Variants in ITIH2 observed in about 807,000 individuals in gnomAD.
The protein encoded by ITIH2 is inter-alpha-trypsin inhibitor heavy chain 2.
ITIH2 carries 103 observed loss-of-function variants against 104.4 expected under a neutral mutation model. The ratio of observed to expected loss-of-function variants is 0.99; its 90% CI spans 0.84 to 1.16. The LOEUF (loss-of-function observed/expected upper bound fraction) is 1.16, where lower values mean the gene tolerates loss of function less well. Among genes scored for constraint, ITIH2 ranks in the 50% most tolerant of loss-of-function variants. ITIH2 has a pLI of 0.00. For synonymous variants in ITIH2, 436 were observed against 435.4 expected (o/e 1.00, Z -0.02); for missense variants, 1,108 against 1,162.4 (o/e 0.95, Z 0.68).
At chr10:7,732,711 A>T (rs774634883) in intron 14 of ITIH2, among the ~76,000 whole-genome samples, 7 of 151,874 alleles carry the variant, frequency 4.6e-5, no homozygotes, top group Non-Finnish European at 1.0e-4. Context: ...TTAATTTTTT[A>T]ATTTTTATTT....
At chr10:7,718,309 G>C (rs78124507) in intron 6 of ITIH2, among the ~76,000 whole-genome samples, 1 of 152,110 alleles carries the variant, frequency 6.6e-6, no homozygotes, top group African/African-American at 2.4e-5. Context: ...GGTCCACCAG[G>C]TAGTACAGGA....
Position 7,749,207 on chromosome 10 carries a change from G to T in ITIH2, c.2714G>T (p.Arg905Ile). ...IITRGLQKDYRTDLVFGTDVT... is the reference protein window; with the variant it reads ...IITRGLQKDYITDLVFGTDVT... ...TGCAGGGGCTTACAGAAAGACTACA[G>T]AACGGATCTAGTGTTTGGAACGGAC... The change falls in exon 21 of 21, where the codon AGA (arginine) becomes ATA (isoleucine). Residue 905 changes from arginine (R) to isoleucine (I), a missense_variant. Transcript: ENST00000358415. 6.2e-7 allele frequency: 1 copy of T among 1,614,124 alleles called. No homozygotes were observed. The highest frequency in any genetic ancestry group is 1.3e-5 in the African/African-American group (1 of 75,044).
At chr10:7,736,946 A>G (rs954353494) in intron 15 of ITIH2, among the ~76,000 whole-genome samples, 4 of 152,148 alleles carry the variant, frequency 2.6e-5, no homozygotes, top group African/African-American at 7.2e-5. Context: ...ATACAGACCT[A>G]GCGTCCAAAA....
chr10:7,705,410 C>T (rs1834737276), intron 2 of ITIH2, among the ~76,000 whole-genome samples: 2 of 152,132 alleles, frequency 1.3e-5, no homozygotes, highest in African/African-American at 2.4e-5. Context: ...AATTTAGTCC[C>T]TTAAAGAGTA....
At chr10:7,746,247 C>T (rs1835176807) in intron 19 of ITIH2, among the ~76,000 whole-genome samples, 2 of 151,084 alleles carry the variant, frequency 1.3e-5, no homozygotes, top group South Asian at 2.1e-4. Flanking sequence ...TAGTGGCTCA[C>T]GCCTGTGGTC....
chr10:7,736,689 G>A (rs1353246259), intron 15 of ITIH2, among the ~76,000 whole-genome samples: 1 of 152,060 alleles, frequency 6.6e-6, no homozygotes, highest in Non-Finnish European at 1.5e-5. Context: ...AACTGGAGTG[G>A]AAATAATCTA....
chr10:7,736,365 G>A (rs981164597), intron 15 of ITIH2, among the ~76,000 whole-genome samples: 5 of 151,608 alleles, frequency 3.3e-5, no homozygotes, highest in African/African-American at 9.7e-5. Context: ...ACCTTGTCTC[G>A]AAAAAAAATT....
In ITIH2 at chr10:7,746,646, G is replaced by A. The variant is rs891830291; in HGVS notation, c.2635G>A (p.Asp879Asn). 1.2e-6 allele frequency: 2 copies of A among 1,614,026 alleles called. No homozygotes were observed. Among genetic ancestry groups the A allele is most frequent in the African/African-American group, 1.3e-5 (1 of 75,040 alleles). ...CATCTTCAATGAGAGACCAGGAAAGGACCCTGAGAAGCCAGAGGCCAGCAT... is the reference window on the plus strand; with the variant it reads ...CATCTTCAATGAGAGACCAGGAAAGAACCCTGAGAAGCCAGAGGCCAGCAT... ...IHIFNERPGK[D>N]PEKPEASMEV... is the part of the protein sequence containing the mutation. The change falls in exon 20 of 21, where the codon GAC becomes AAC. Residue 879 changes from aspartate to asparagine, a missense_variant. By Grantham distance (23) the Asp-to-Asn change is conservative. Coordinates refer to ENST00000358415, the MANE Select transcript of ITIH2 (RefSeq NM_002216.3).
chr10:7,741,184 T>G lies in ITIH2; in HGVS notation c.2096-1962T>G, dbSNP rs1433487489. ...AATGATTGTTTAAGGTTTTTTTTTTTTTTTTTTTTTTGAGACAGAGTTTCA... is the reference window on the plus strand; with the variant it reads ...AATGATTGTTTAAGGTTTTTTTTTTGTTTTTTTTTTTGAGACAGAGTTTCA... On this transcript the variant is annotated intron_variant, in intron 16 of 20. Transcript: ENST00000358415. Among the ~76,000 whole-genome samples, 166 of 146,356 alleles carry G rather than the reference T, an allele frequency of 1.1e-3. 1 individual carries two copies. In the Middle Eastern group the frequency reaches 0.014, roughly 12 times the overall value.
At chr10:7,713,459 C>A (rs774533638) in intron 5 of ITIH2, 174 bp downstream of exon 5, 7 of 579,640 alleles carry the variant, frequency 1.2e-5, no homozygotes, top group African/African-American at 1.9e-5. Flanking sequence ...GCCTAAAGGT[C>A]CCTCTTCAAC....
intron 13 of ITIH2, 121 bp from the exon 14 acceptor site, chr10:7,732,217 G>T: frequency 8.4e-7 from 1 of 1,197,222 alleles, no homozygotes; most frequent in South Asian, 1.4e-5. Flanking sequence ...TCCTTCCTCC[G>T]TAGGCTTTGC....
At chr10:7,745,196 G>A (rs1835165184) in intron 19 of ITIH2, among the ~76,000 whole-genome samples, 1 of 152,134 alleles carries the variant, frequency 6.6e-6, no homozygotes, top group African/African-American at 2.4e-5. Context: ...GTTAAGAGAA[G>A]GGACAGATAC....
intron 20 of ITIH2, 74 bp downstream of exon 20, chr10:7,746,778 G>T (rs1017488130): frequency 2.2e-6 from 2 of 893,406 alleles, no homozygotes; most frequent in Non-Finnish European, 3.7e-6. Flanking sequence ...AAATAGAGGA[G>T]CAAAGAAGAA....
Position 7,743,274 on chromosome 10 carries a change from AATT to A in ITIH2, c.2209+18_2209+20del, listed in dbSNP as rs1339245143. 1 of 1,345,202 alleles carries A rather than the reference AATT, an allele frequency of 7.4e-7. No homozygotes were observed. The allele number at this position is 1,345,202 out of a possible 1,614,324, so 83.3% of individuals were successfully genotyped here. A position where few individuals can be genotyped will look rare whatever the true frequency, so the allele number is the denominator to read the frequency against. On this transcript the variant is annotated intron_variant, in intron 17 of 20. Coordinates refer to ENST00000358415, the MANE Select transcript of ITIH2 (RefSeq NM_002216.3). ...CCCAGAATCAGGTAAAATAAAAATA[AATT>A]ATATTTGCACCAATTAGGTCATTGT...
rs749404489 is a variant in ITIH2, at chr10:7,744,119, G to A, written c.2247G>A (p.Lys749=). 3.7e-6 allele frequency: 6 copies of A among 1,614,046 alleles called. No homozygotes were observed. The highest frequency in any genetic ancestry group is 5.1e-6 in the Non-Finnish European group (6 of 1,179,984). The change falls in exon 18 of 21, where the codon AAG becomes AAA. Residue 749 remains lysine (K), a synonymous_variant. Coordinates refer to ENST00000358415, the MANE Select transcript of ITIH2 (RefSeq NM_002216.3). ...VVNGQLVGAK[K]PNNGKLSTYF... is the part of the protein sequence containing the mutation. ...ACGGTCAGCTTGTTGGTGCCAAGAAGCCCAACAATGGAAAACTAAGCACCT... is the reference window on the plus strand; with the variant it reads ...ACGGTCAGCTTGTTGGTGCCAAGAAACCCAACAATGGAAAACTAAGCACCT...
chr10:7,721,612 C>T (rs750048755), intron 7 of ITIH2, 37 bp from the exon 8 acceptor site: 2 of 1,600,674 alleles, frequency 1.2e-6, no homozygotes, highest in Admixed American at 1.7e-5. Flanking sequence ...TGGGAAGGGG[C>T]TAGAGGCAGA....
At position 7,713,249 on chromosome 10, in the gene ITIH2, A is replaced by G. The variant is rs768578232; in HGVS notation, c.431A>G (p.Gln144Arg). ...ACTGTGGGCCGAGCTCTTTATGCAC[A>G]GGCCAGAGCAAAAGGCAAGACGGCT... ...EKTVGRALYAQARAKGKTAGL... is the reference protein window; with the variant it reads ...EKTVGRALYARARAKGKTAGL... Residue 144 changes from glutamine to arginine, a missense_variant, in exon 5 of 21, where the codon CAG becomes CGG. Coordinates refer to ENST00000358415, the MANE Select transcript of ITIH2 (RefSeq NM_002216.3). 1.1e-5 allele frequency: 17 copies of G among 1,614,186 alleles called. No individual in the cohort carries two copies. Among genetic ancestry groups the G allele is most frequent in the Admixed American group, 1.7e-5 (1 of 60,032 alleles).
intron 14 of ITIH2, among the ~76,000 whole-genome samples, chr10:7,732,858 G>T (rs898109020): frequency 6.6e-6 from 1 of 152,048 alleles, no homozygotes; most frequent in African/African-American, 2.4e-5. Flanking sequence ...CTCCTGAGTA[G>T]CTGGGATTAC....
chr10:7,743,112 G>A (rs769587387), intron 16 of ITIH2, 34 bp from the exon 17 acceptor site: 1 of 983,708 alleles, frequency 1.0e-6, no homozygotes, highest in Admixed American at 2.2e-5. Flanking sequence ...TCCTTTTAAT[G>A]ATTTTGTTTA....
Sources: allele counts gnomAD v4.1 joint callset (sites outside exome capture counted in the v4.1 genomes callset), GRCh38; gene constraint gnomAD v4.1.1; transcripts MANE v1.5; gene names NCBI Gene and HGNC (gene_info 2026-07-23, HGNC 2026-07-21).